TTN: variants seen among roughly 807,000 people sequenced by gnomAD.
The protein encoded by TTN is titin.
TTN carries 1,525 observed loss-of-function variants against 3,223.0 expected under a neutral mutation model. The ratio of observed to expected loss-of-function variants is 0.47; its 90% confidence interval spans 0.45 to 0.49. The LOEUF (loss-of-function observed/expected upper bound fraction) is 0.49. TTN is among the 20% of genes least tolerant of loss of function. The probability of loss-of-function intolerance (pLI) is 0.00; values close to 1 mark genes in which losing one functional copy is unlikely to be tolerated. For missense variants in TTN, 40,786 were observed against 43,424.0 expected (o/e 0.94, Z 5.40); for synonymous variants, 14,094 against 15,161.0 (o/e 0.93, Z 5.17).
rs1302266979 is a variant in TTN at position 178,634,936 on chromosome 2, TA to T, written c.42025-88del. 6.9e-7 allele frequency: 1 copy of T among 1,455,558 alleles called. No homozygotes were observed. The highest frequency in any genetic ancestry group is 1.4e-5 in the African/African-American group (1 of 69,654). 90.2% of individuals were successfully genotyped at this position (1,455,558 alleles called of 1,614,324 possible). ...TCAGATACAAATTTCTATAGAGTTT[TA>T]AAAATTACTACTAATAAAAGTAAGC... is the stretch of plus-strand genomic sequence containing the variant. On this transcript the variant is annotated intron_variant, in intron 228 of 362. Coordinates refer to ENST00000589042, the MANE Select transcript of TTN (RefSeq NM_001267550.2). The surrounding 1 kb of genome is among the most constrained non-coding windows in gnomAD (Gnocchi z 4.6).
In TTN at chr2:178,722,101, G is replaced by A; in HGVS notation, c.22562C>T (p.Pro7521Leu). Reference sequence around the variant, plus strand: ...TCCAGCAATAACATCTATAGATACAGGCTTGATGTCAAAGAAGGGAGATTT... The same window carrying A: ...TCCAGCAATAACATCTATAGATACAAGCTTGATGTCAAAGAAGGGAGATTT... ...PKKSPFFDIKPVSIDVIAGES... is the reference protein window; with the variant it reads ...PKKSPFFDIKLVSIDVIAGES... Residue 7521 changes from proline (P) to leucine (L), a missense_variant, in exon 78 of 363, where the codon CCT (proline) becomes CTT (leucine). Transcript: ENST00000589042. The A allele has an allele frequency of 6.3e-7, 1 of 1,582,328 alleles. No homozygotes were observed. Among genetic ancestry groups the A allele is most frequent in the African/African-American group, 1.4e-5 (1 of 73,666 alleles).
intron 45 of TTN, 96 bp downstream of exon 45, chr2:178,757,446 G>C (rs184299024): frequency 7.0e-7 from 1 of 1,424,650 alleles, no homozygotes; most frequent in Non-Finnish European, 9.3e-7. Context: ...ACTGACCACA[G>C]TATGCAATAA....
Position 178,571,472 on chromosome 2 carries a change from T to C in TTN, c.74660A>G (p.Asn24887Ser). 6.2e-7 allele frequency: 1 copy of C among 1,613,364 alleles called. No individual in the cohort carries two copies. Among genetic ancestry groups the C allele is most frequent in the Non-Finnish European group, 8.5e-7 (1 of 1,179,574 alleles). The change falls in exon 326 of 363, where the codon AAC becomes AGC. Residue 24887 changes from asparagine to serine, a missense_variant. Transcript: ENST00000589042. ...CEYQFRIAAE[N>S]RYGKSTYLNS... is the part of the protein sequence containing the mutation. ...GAGGTAGGTACTCTTCCCATATCTG[T>C]TTTCAGCTGCAATTCTAAACTGATA...
intron 47 of TTN, chr2:178,751,932 T>C: frequency 1.9e-6 from 3 of 1,588,856 alleles, no homozygotes; most frequent in Non-Finnish European, 2.6e-6. Flanking sequence ...GATATTCTAC[T>C]TGCATATCTT....
At chr2:178,613,359 T>C in intron 263 of TTN, 83 bp from the exon 264 acceptor site, 6 of 1,050,194 alleles carry the variant, frequency 5.7e-6, no homozygotes, top group Non-Finnish European at 8.2e-6. Context: ...AAGAGACTAA[T>C]TTATTTAAAT....
chr2:178,540,481 G>GT (rs1693872098), intron 350 of TTN, 111 bp from the exon 351 acceptor site: 8 of 944,924 alleles, frequency 8.5e-6, no homozygotes, highest in Non-Finnish European at 9.2e-6. Context: ...ACATTAGCCT[G>GT]TTTTTTTGTC....
intron 115 of TTN, 84 bp from the exon 116 acceptor site, chr2:178,694,990 A>G (rs1257671202): frequency 1.0e-5 from 10 of 980,364 alleles, no homozygotes; most frequent in Admixed American, 2.4e-5. Flanking sequence ...CTCTGTGTAT[A>G]TGTGTTTATA....
At position 178,587,304 on chromosome 2, in the gene TTN, C is replaced by A. The variant is rs372812312; in HGVS notation, c.63907G>T (p.Val21303Leu). 1 of 1,612,874 alleles carries A rather than the reference C, an allele frequency of 6.2e-7. No homozygotes were observed. The highest frequency in any genetic ancestry group is 8.5e-7 in the Non-Finnish European group (1 of 1,179,468). ...TTTCTGTCTGCCTCACGTTTCTCCA[C>A]GATATAATGTGTCACTTGGCTCCCA... ...DGGSQVTHYI[V>L]EKREADRKTW... Residue 21303 changes from valine (V) to leucine (L), a missense_variant, in exon 307 of 363, where the codon GTG becomes TTG. By Grantham distance (32) the Val-to-Leu change is conservative. Coordinates refer to ENST00000589042, the MANE Select transcript of TTN (RefSeq NM_001267550.2).
intron 79 of TTN, 48 bp from the exon 80 acceptor site, chr2:178,720,711 A>AG: frequency 6.6e-7 from 1 of 1,504,874 alleles, no homozygotes; most frequent in Non-Finnish European, 8.8e-7. Flanking sequence ...CTTACTATAA[A>AG]GGAAAAAAAA....
chr2:178,547,062 G>T lies in TTN; in HGVS notation c.94463C>A (p.Ala31488Asp). The T allele has an allele frequency of 6.2e-7, 1 of 1,613,820 alleles. No individual in the cohort carries two copies. Among genetic ancestry groups the T allele is most frequent in the Non-Finnish European group, 8.5e-7 (1 of 1,179,732 alleles). The change falls in exon 340 of 363, where the codon GCT (alanine) becomes GAT (aspartate). Residue 31488 changes from alanine to aspartate, a missense_variant. Ala to Asp is a moderately radical substitution (Grantham distance 126). Transcript: ENST00000589042. ...EYQFRTYALN[A>D]AGVSKASEAS... ...TTCGCTGGCCTTGCTAACACCTGCA[G>T]CATTGAGTGCATAAGTTCTGAACTG...
At position 178,678,839 on chromosome 2, in the gene TTN, A is replaced by G. The variant is rs1383292065; in HGVS notation, c.33743-9T>C. The G allele has an allele frequency of 1.3e-6, 2 of 1,584,046 alleles. No individual in the cohort carries two copies. The highest frequency in any genetic ancestry group is 1.9e-5 in the Admixed American group (1 of 53,396). On this transcript the variant is annotated splice_polypyrimidine_tract_variant and intron_variant, in intron 142 of 362. Coordinates refer to ENST00000589042, the MANE Select transcript of TTN (RefSeq NM_001267550.2). ...CTTGGGCACTTCAGGAACTTCAAAG[A>G]TATCAAATAGAGTTAGTGTCACATT...
At position 178,784,326 on chromosome 2, in the gene TTN, G is replaced by T; in HGVS notation, c.2519C>A (p.Ala840Asp). 1 of 1,614,054 alleles carries T rather than the reference G, an allele frequency of 6.2e-7. No homozygotes were observed. Residue 840 changes from alanine (A) to aspartate (D), a missense_variant, in exon 16 of 363, where the codon GCC becomes GAC. Coordinates refer to ENST00000589042, the MANE Select transcript of TTN (RefSeq NM_001267550.2). ...YEASIAGSAI[A>D]TLQKELSATS... ...GGCTGACAACTCTTTTTGTAATGTGGCAATAGCACTACCGGCTATTGATGC... is the reference window on the plus strand; with the variant it reads ...GGCTGACAACTCTTTTTGTAATGTGTCAATAGCACTACCGGCTATTGATGC...
In TTN at chr2:178,718,655, G is replaced by T. The variant is rs774436705; in HGVS notation, c.24505+40C>A. ...CTTGCCTTCTAATGAAGACTTAAGA[G>T]AAATTTTAAAAGATGTATATATTGG... On this transcript the variant is annotated intron_variant, in intron 84 of 362. Transcript: ENST00000589042. 2.2e-5 allele frequency: 36 copies of T among 1,603,518 alleles called. No homozygotes were observed. The African/African-American group carries it at 2.4e-4, about 11-fold the overall frequency.
Position 178,757,488 on chromosome 2 carries a change from T to A in TTN, c.10678+54A>T, listed in dbSNP as rs146021726. On this transcript the variant is annotated intron_variant, in intron 45 of 362. Coordinates refer to ENST00000589042, the MANE Select transcript of TTN (RefSeq NM_001267550.2). ...CAGCAGAGACTCTCATTAGTAACAG[T>A]GGGACTGAGAGGTATACAGCAAATC... 347 of 1,488,160 alleles carry A rather than the reference T, an allele frequency of 2.3e-4. No individual in the cohort carries two copies. In the African/African-American group the frequency reaches 4.6e-3, roughly 20 times the overall value. 92.2% of individuals were successfully genotyped at this position (1,488,160 alleles called of 1,614,324 possible).
In TTN at chr2:178,795,193, A is replaced by G. The variant is rs755076118; in HGVS notation, c.974T>C (p.Leu325Ser). 3.1e-6 allele frequency: 5 copies of G among 1,614,178 alleles called. No homozygotes were observed. In the East Asian group the frequency reaches 6.7e-5, roughly 22 times the overall value. ...GGATGCCTGAGTCTTACGCATGAGC[A>G]ATGGAGACCTAACAGACCTGATGGG... The part of the protein sequence containing the change: ...TSPIRSVRSP[L>S]LMRKTQASTV... Residue 325 changes from leucine to serine, a missense_variant, in exon 7 of 363, where the codon TTG becomes TCG. Physicochemically the swap from Leu to Ser is moderately radical, Grantham distance 145. Transcript: ENST00000589042.
Position 178,646,690 on chromosome 2 carries a change from T to C in TTN, c.40223-131A>G, listed in dbSNP as rs1045072766. On this transcript the variant is annotated intron_variant, in intron 215 of 362. Coordinates refer to ENST00000589042, the MANE Select transcript of TTN (RefSeq NM_001267550.2). ...TATACAATTCATACAAATTCATGTA[T>C]AGAAAAATTCACGTATAAGAAAAAG... The C allele has an allele frequency of 7.5e-5, 43 of 575,400 alleles. No homozygotes were observed. In the Admixed American group the frequency reaches 1.2e-3, roughly 16 times the overall value. 35.6% of individuals were successfully genotyped at this position (575,400 alleles called of 1,614,324 possible). A position where few individuals can be genotyped will look rare whatever the true frequency, so the allele number is the denominator to read the frequency against.
Position 178,557,389 on chromosome 2 carries a change from G to A in TTN, c.87873C>T (p.Val29291=). The A allele has an allele frequency of 6.2e-7, 1 of 1,613,942 alleles. No individual in the cohort carries two copies. The highest frequency in any genetic ancestry group is 1.1e-5 in the South Asian group (1 of 91,082). ...SILWQKANKL[V]IRTTHFKVTT... ...TGACTTTGAAGTGAGTTGTGCGGAT[G>A]ACCAGTTTGTTGGCTTTTTGCCATA... Residue 29291 remains valine (V), a synonymous_variant, in exon 329 of 363, where the codon GTC becomes GTT. Transcript: ENST00000589042.
intron 52 of TTN, 41 bp from the exon 53 acceptor site, chr2:178,733,933 A>G (rs778232634): frequency 6.6e-7 from 1 of 1,515,260 alleles, no homozygotes; most frequent in Non-Finnish European, 8.8e-7. Context: ...ATCAATTCCC[A>G]AACACTTTCA....
chr2:178,746,861 T>C, intron 47 of TTN: 2 of 1,613,520 alleles, frequency 1.2e-6, no homozygotes, highest in Non-Finnish European at 1.7e-6. Context: ...TGGAGGCATT[T>C]CATTGTCTTT....
Sources: gnomAD v4.1 joint callset for allele counts on GRCh38, gnomAD v4.1.1 for gene constraint, Gnocchi (gnomAD v3.1) non-coding constraint, MANE v1.5 for transcripts, NCBI Gene and HGNC (gene_info 2026-07-23, HGNC 2026-07-21) for gene names.